Variants in MIDEAS observed in about 807,000 individuals in gnomAD.
MIDEAS encodes mitotic deacetylase-associated SANT domain protein.
Under a neutral mutation model 102.7 loss-of-function variants are expected in MIDEAS, and 26 were observed. The ratio of observed to expected loss-of-function variants is 0.25; its 90% CI spans 0.19 to 0.35. The LOEUF is 0.35. Among genes scored for constraint, MIDEAS ranks in the 10% least tolerant of loss-of-function variants. The pLI is 1.00. For synonymous variants in MIDEAS, 585 were observed against 591.0 expected, an observed-to-expected ratio of 0.99 and a Z score of 0.15; for missense variants, 1,231 against 1,435.6, an observed-to-expected ratio of 0.86 and a Z score of 2.30.
intron 1 of MIDEAS, among the ~76,000 whole-genome samples, chr14:73,754,460 G>T (rs981593457): frequency 1.3e-5 from 2 of 152,196 alleles, no homozygotes; most frequent in African/African-American, 4.8e-5. Context: ...GATTCTTCCT[G>T]CGCTCAAGCT....
Position 73,759,368 on chromosome 14 carries a change from A to T in MIDEAS, c.-248+395T>A, listed in dbSNP as rs1408651754. 1.0e-3 allele frequency among the ~76,000 whole-genome samples: 154 copies of T among 151,822 alleles called. No individual in the cohort carries two copies. The highest frequency in any genetic ancestry group is 1.0e-4 in the Non-Finnish European group (7 of 67,872). On this transcript the variant is annotated intron_variant, in intron 1 of 12. Transcript: ENST00000423556. This position sits in a 1 kb window ranked among gnomAD's most constrained non-coding sequence, Gnocchi z 6.7. ...ACACCACGTTTCTCTCCAGCGGAGGAGGAGCAGCCGGATTCCCGAGCCGCC... is the reference window on the plus strand; with the variant it reads ...ACACCACGTTTCTCTCCAGCGGAGGTGGAGCAGCCGGATTCCCGAGCCGCC...
chr14:73,725,446 G>A lies in MIDEAS; in HGVS notation c.2486-86C>T. 1 of 1,103,106 alleles carries A rather than the reference G, an allele frequency of 9.1e-7. No individual in the cohort carries two copies. Among genetic ancestry groups the A allele is most frequent in the Non-Finnish European group, 1.4e-6 (1 of 720,508 alleles). The allele number at this position is 1,103,106 out of a possible 1,614,324, so 68.3% of individuals were successfully genotyped here. A position where few individuals can be genotyped will look rare whatever the true frequency, so the allele number is the denominator to read the frequency against. ...ATTTTGACAAGCAAAAAAGTGTGAG[G>A]CCATCCGCCCATGGTTTCTGCAGGC... On this transcript the variant is annotated intron_variant, in intron 8 of 12. Transcript: ENST00000423556. This position sits in a 1 kb window ranked among gnomAD's most constrained non-coding sequence, Gnocchi z 4.1.
rs753065252 is a variant in MIDEAS at position 73,739,972 on chromosome 14, G to A, written c.37C>T (p.Arg13Trp). ...LQAQPKAQNK[R>W]KRCLFGGQEP... ...TGGCCCCCGAAGAGGCAACGCTTCC[G>A]CTTGTTCTGAGCCTTGGGCTGGGCC... The change falls in exon 2 of 13, where the codon CGG (arginine) becomes TGG (tryptophan). Residue 13 changes from arginine (R) to tryptophan (W), a missense_variant. Physicochemically the swap from Arg to Trp is moderately radical, Grantham distance 101. Transcript: ENST00000423556. 20 of 1,510,424 alleles carry A rather than the reference G, an allele frequency of 1.3e-5. No individual in the cohort carries two copies. Among genetic ancestry groups the A allele is most frequent in the South Asian group, 9.4e-5 (7 of 74,152 alleles). The allele number at this position is 1,510,424 out of a possible 1,614,324, so 93.6% of individuals were successfully genotyped here.
Position 73,717,748 on chromosome 14 carries a change from C to T in MIDEAS, c.*1095G>A, listed in dbSNP as rs2052913592. On this transcript the variant is annotated 3_prime_UTR_variant, in exon 13 of 13. Coordinates refer to ENST00000423556, the MANE Select transcript of MIDEAS (RefSeq NM_001367710.1). ...AATACTAAGAATAAATAAATAGCTC[C>T]CAAATGACACGAGTCAAGGAATGAA... 6.6e-6 allele frequency: 1 copy of T among 152,642 alleles called. No individual in the cohort carries two copies. Among genetic ancestry groups the T allele is most frequent in the African/African-American group, 2.4e-5 (1 of 41,442 alleles). 9.5% of individuals were successfully genotyped at this position (152,642 alleles called of 1,614,324 possible).
chr14:73,718,508 G>A lies in MIDEAS; in HGVS notation c.*335C>T, dbSNP rs2052927845. The A allele has an allele frequency of 4.7e-6, 1 of 210,912 alleles. No homozygotes were observed. Among genetic ancestry groups the A allele is most frequent in the Middle Eastern group, 1.6e-3 (1 of 620 alleles). 13.1% of individuals were successfully genotyped at this position (210,912 alleles called of 1,614,324 possible). ...GGGGAGGAGGGGGAAGCAAATAAAG[G>A]GAAAAGACTGCGGGGCAGCAGAGCA... On this transcript the variant is annotated 3_prime_UTR_variant, in exon 13 of 13. Transcript: ENST00000423556.
At chr14:73,735,182 T>C (rs1363553786) in intron 3 of MIDEAS, among the ~76,000 whole-genome samples, 1 of 152,178 alleles carries the variant, frequency 6.6e-6, no homozygotes, top group Non-Finnish European at 1.5e-5. Context: ...AGGAAATCTA[T>C]TGTATAACAT....
chr14:73,766,832 C>T (rs1440058933), intron 1 of MIDEAS, among the ~76,000 whole-genome samples: 1 of 147,806 alleles, frequency 6.8e-6, no homozygotes, highest in African/African-American at 2.5e-5. Context: ...GGTTTACAGG[C>T]GTGTGCCACT....
In MIDEAS at chr14:73,759,669, C is replaced by A. The variant is rs1168552145; in HGVS notation, c.-248+94G>T. ...CCGCGCCTGCAGAGCTGCAACCCGC[C>A]GTGCGAGCAGCCACAGCTCGCGCGC... is the stretch of plus-strand genomic sequence containing the variant. On this transcript the variant is annotated intron_variant, in intron 1 of 12. Transcript: ENST00000423556. This position sits in a 1 kb window ranked among gnomAD's most constrained non-coding sequence, Gnocchi z 6.7. 6.6e-6 allele frequency: 1 copy of A among 150,852 alleles called. No homozygotes were observed. The highest frequency in any genetic ancestry group is 1.5e-5 in the Non-Finnish European group (1 of 67,650). 9.3% of individuals were successfully genotyped at this position (150,852 alleles called of 1,614,324 possible).
chr14:73,772,411 T>C (rs2053649851), intron 1 of MIDEAS, among the ~76,000 whole-genome samples: 1 of 152,242 alleles, frequency 6.6e-6, no homozygotes, highest in Non-Finnish European at 1.5e-5. Flanking sequence ...TGTAATCAGT[T>C]TTTATGCACT....
At chr14:73,733,062 G>A (rs573929546) in intron 3 of MIDEAS, among the ~76,000 whole-genome samples, 124 of 151,638 alleles carry the variant, frequency 8.2e-4, no homozygotes, top group Non-Finnish European at 1.3e-3. Flanking sequence ...ATTGCACTCC[G>A]GCCTGAGCCA....
At chr14:73,735,192 T>C (rs1462701215) in intron 3 of MIDEAS, among the ~76,000 whole-genome samples, 1 of 152,204 alleles carries the variant, frequency 6.6e-6, no homozygotes, top group Non-Finnish European at 1.5e-5. Flanking sequence ...TTGTATAACA[T>C]GATGACTATC....
rs2053209494 is a variant in MIDEAS, at chr14:73,737,022, G to T, written c.1725C>A (p.Ile575=). 1 of 1,613,486 alleles carries T rather than the reference G, an allele frequency of 6.2e-7. No homozygotes were observed. The highest frequency in any genetic ancestry group is 2.2e-5 in the East Asian group (1 of 44,860). ...VIVTRRRSTR[I]PGTDAQAQAE... ...CCTGAGCTTGAGCATCTGTCCCGGGGATTCGGGTGGACCGCCTGCGGGTGA... is the reference window on the plus strand; with the variant it reads ...CCTGAGCTTGAGCATCTGTCCCGGGTATTCGGGTGGACCGCCTGCGGGTGA... Residue 575 remains isoleucine (I), a synonymous_variant, in exon 3 of 13, where the codon ATC becomes ATA. Coordinates refer to ENST00000423556, the MANE Select transcript of MIDEAS (RefSeq NM_001367710.1).
At position 73,716,060 on chromosome 14, in the gene MIDEAS, A is replaced by C. The variant is rs1487069203; in HGVS notation, c.*2783T>G. The stretch of plus-strand genomic sequence containing the variant: ...TGAGATGGTGTGGGGAGGATGTTAG[A>C]AAGCTGGAGGTGTTTATCACTTCTC... On this transcript the variant is annotated 3_prime_UTR_variant, in exon 13 of 13. Transcript: ENST00000423556. 1 of 152,546 alleles carries C rather than the reference A, an allele frequency of 6.6e-6. No individual in the cohort carries two copies. The highest frequency in any genetic ancestry group is 1.9e-4 in the East Asian group (1 of 5,196). 9.4% of individuals were successfully genotyped at this position (152,546 alleles called of 1,614,324 possible).
intron 1 of MIDEAS, among the ~76,000 whole-genome samples, chr14:73,771,992 C>T (rs947140727): frequency 6.6e-6 from 1 of 152,338 alleles, no homozygotes; most frequent in Admixed American, 6.5e-5. Flanking sequence ...GCGGGTGGCT[C>T]AAAGCCTCAC....
intron 3 of MIDEAS, among the ~76,000 whole-genome samples, chr14:73,731,040 T>C (rs2053131987): frequency 6.6e-6 from 1 of 152,236 alleles, no homozygotes; most frequent in Non-Finnish European, 1.5e-5. Context: ...GTATTAATCC[T>C]ACTAGGAAAG....
chr14:73,785,270 T>G (rs1462776699), intron 1 of MIDEAS, among the ~76,000 whole-genome samples: 1 of 152,240 alleles, frequency 6.6e-6, no homozygotes, highest in Admixed American at 6.5e-5. Flanking sequence ...TATACCCCTG[T>G]AAGGCCCTCA....
Position 73,739,542 on chromosome 14 carries a change from G to C in MIDEAS, c.467C>G (p.Pro156Arg). The change falls in exon 2 of 13, where the codon CCG becomes CGG. Residue 156 changes from proline to arginine, a missense_variant. Transcript: ENST00000423556. ...KGSPHPGVGV[P>R]TYYNHPEALK... ...TGCCTCAGGGTGGTTATAGTAAGTC[G>C]GGACTCCCACTCCAGGATGCGGGCT... is the stretch of plus-strand genomic sequence containing the variant. 1 of 1,614,128 alleles carries C rather than the reference G, an allele frequency of 6.2e-7. No individual in the cohort carries two copies. The highest frequency in any genetic ancestry group is 1.1e-5 in the South Asian group (1 of 91,086).
Position 73,770,891 on chromosome 14 carries a change from G to A in MIDEAS, c.-248+16211C>T, listed in dbSNP as rs74062530. ...ACAGTTATTGCTGGGGCCTGGGCTC[G>A]AGAAGGCAGCTTGTTCCTTAGACAC... On this transcript the variant is annotated intron_variant, in intron 1 of 11. Coordinates refer to the MIDEAS transcript ENST00000394071. Among the ~76,000 whole-genome samples, 880 of 152,272 alleles carry A rather than the reference G, an allele frequency of 5.8e-3. 6 individuals are homozygous for A. Among genetic ancestry groups the A allele is most frequent in the African/African-American group, 0.02 (833 of 41,548 alleles).
chr14:73,784,875 C>A (rs537717841), intron 1 of MIDEAS, among the ~76,000 whole-genome samples: 20 of 152,356 alleles, frequency 1.3e-4, no homozygotes, highest in African/African-American at 4.8e-4. Context: ...TGGAAGCACA[C>A]AGGTACCTGC....
Sources: gnomAD v4.1 joint callset for allele counts (sites outside exome capture counted in the v4.1 genomes callset) on GRCh38, gnomAD v4.1.1 for gene constraint, Gnocchi (gnomAD v3.1) non-coding constraint, MANE v1.5 for transcripts, NCBI Gene and HGNC (gene_info 2026-07-23, HGNC 2026-07-21) for gene names.